The following PDGFD variants were observed in gnomAD, a reference collection of about 807,000 sequenced individuals.
PDGFD encodes the protein platelet-derived growth factor D.
PDGFD carries 30 observed loss-of-function variants against 44.7 expected under a neutral mutation model. The ratio of observed to expected loss-of-function variants is 0.67; its 90% confidence interval spans 0.50 to 0.91. PDGFD has a LOEUF of 0.91. Ranked by LOEUF, PDGFD falls within the 40% of genes least tolerant of loss-of-function variation. PDGFD has a pLI of 0.00. For missense variants in PDGFD, 445 were observed against 457.8 expected (o/e 0.97, Z 0.25); for synonymous variants, 173 against 168.4 (o/e 1.03, Z -0.21).
In PDGFD at chr11:103,943,591, G is replaced by T; in HGVS notation, c.633C>A (p.Asp211Glu). The T allele has an allele frequency of 6.2e-7, 1 of 1,613,124 alleles. No homozygotes were observed. Among genetic ancestry groups the T allele is most frequent in the Non-Finnish European group, 8.5e-7 (1 of 1,179,514 alleles). The part of the protein sequence containing the change: ...TDPTLIADAL[D>E]KKIAEFDTVE... ...CTGTATCAAATTCTGCAATTTTTTT[G>T]TCCAGAGCATCCGCAATCAGAGTGG... Residue 211 changes from aspartate (D) to glutamate (E), a missense_variant, in exon 5 of 7, where the codon GAC becomes GAA. Physicochemically the swap from Asp to Glu is conservative, Grantham distance 45. Coordinates refer to ENST00000393158, the MANE Select transcript of PDGFD (RefSeq NM_025208.5).
chr11:103,924,347 T>G (rs1299637928), intron 6 of PDGFD, among the ~76,000 whole-genome samples: 1 of 152,238 alleles, frequency 6.6e-6, no homozygotes, highest in Non-Finnish European at 1.5e-5. Flanking sequence ...CCTTGGGGTA[T>G]GATTAAAGGT....
chr11:103,929,603 T>C (rs896392452), intron 5 of PDGFD, among the ~76,000 whole-genome samples: 2 of 152,218 alleles, frequency 1.3e-5, no homozygotes, highest in African/African-American at 4.8e-5. Flanking sequence ...ATCAATTCAC[T>C]AATGTCACTA....
intron 3 of PDGFD, among the ~76,000 whole-genome samples, chr11:103,970,473 T>A (rs1859087264): frequency 6.6e-6 from 1 of 152,102 alleles, no homozygotes. Flanking sequence ...TAGGAATCAA[T>A]CGTGGATCTG....
chr11:104,136,931 G>C (rs934672173), intron 1 of PDGFD, among the ~76,000 whole-genome samples: 3 of 152,188 alleles, frequency 2.0e-5, no homozygotes, highest in Non-Finnish European at 4.4e-5. Flanking sequence ...GGATTTTAGA[G>C]CTAGAAGGGT....
chr11:103,934,426 C>G (rs1244526391), intron 5 of PDGFD, among the ~76,000 whole-genome samples: 2 of 152,148 alleles, frequency 1.3e-5, no homozygotes, highest in Admixed American at 1.3e-4. Flanking sequence ...ATACAAAAAG[C>G]CAATGATCAG....
intron 1 of PDGFD, among the ~76,000 whole-genome samples, chr11:104,130,342 A>G (rs1449979121): frequency 6.6e-6 from 1 of 152,140 alleles, no homozygotes; most frequent in African/African-American, 2.4e-5. Context: ...GGGACATTGT[A>G]ATGAGATGTT....
chr11:104,102,300 T>G (rs1357431070), intron 1 of PDGFD, among the ~76,000 whole-genome samples: 6 of 152,114 alleles, frequency 3.9e-5, no homozygotes, highest in Non-Finnish European at 5.9e-5. Flanking sequence ...AAGAAGACAT[T>G]TATGCAGCCA....
At chr11:104,113,642 T>C (rs907524988) in intron 1 of PDGFD, among the ~76,000 whole-genome samples, 1 of 151,886 alleles carries the variant, frequency 6.6e-6, no homozygotes, top group Non-Finnish European at 1.5e-5. Context: ...TAAATACCAC[T>C]GAGCAGGACT....
chr11:103,939,358 T>C (rs1437634583), intron 5 of PDGFD, among the ~76,000 whole-genome samples: 1 of 152,154 alleles, frequency 6.6e-6, no homozygotes, highest in East Asian at 1.9e-4. Flanking sequence ...TCTCTGTTTG[T>C]CTGTTATTGG....
At chr11:104,090,174 A>C (rs2134436321) in intron 1 of PDGFD, among the ~76,000 whole-genome samples, 1 of 152,324 alleles carries the variant, frequency 6.6e-6, no homozygotes, top group Non-Finnish European at 1.5e-5. Flanking sequence ...TTAGAATCAT[A>C]TTATGACAGC....
At chr11:103,950,411 A>T (rs1031819779) in intron 3 of PDGFD, among the ~76,000 whole-genome samples, 2 of 150,400 alleles carry the variant, frequency 1.3e-5, no homozygotes, top group African/African-American at 4.9e-5. Flanking sequence ...AAAAAAAAAA[A>T]AAATTAGCCA....
At chr11:104,138,045 C>T (rs185264286) in intron 1 of PDGFD, among the ~76,000 whole-genome samples, 10 of 152,202 alleles carry the variant, frequency 6.6e-5, no homozygotes, top group Admixed American at 3.3e-4. Context: ...CACTTTTAGC[C>T]AACACTTGCA....
intron 5 of PDGFD, among the ~76,000 whole-genome samples, chr11:103,935,275 G>A (rs1404395143): frequency 1.3e-5 from 2 of 152,160 alleles, no homozygotes; most frequent in African/African-American, 4.8e-5. Flanking sequence ...ACAGGCACCA[G>A]GAGGAAAAAC....
chr11:104,008,772 C>T (rs1304211399), intron 1 of PDGFD, among the ~76,000 whole-genome samples: 1 of 152,060 alleles, frequency 6.6e-6, no homozygotes, highest in Non-Finnish European at 1.5e-5. Context: ...AGGACTATGT[C>T]TTGTTAATCA....
intron 3 of PDGFD, among the ~76,000 whole-genome samples, chr11:103,972,696 T>G (rs1859121398): frequency 6.6e-6 from 1 of 152,178 alleles, no homozygotes; most frequent in African/African-American, 2.4e-5. Flanking sequence ...TCTGAGCTAA[T>G]GATGGGAGGT....
intron 1 of PDGFD, chr11:104,037,801 G>C (rs1283680539): frequency 6.2e-7 from 1 of 1,614,146 alleles, no homozygotes; most frequent in Non-Finnish European, 8.5e-7. Flanking sequence ...TCAACCCATG[G>C]ATATGCTTCT....
At position 103,977,915 on chromosome 11, in the gene PDGFD, CAGTAA is replaced by C. The variant is rs61272729; in HGVS notation, c.510+18145_510+18149del. On this transcript the variant is annotated intron_variant, in intron 3 of 6. Coordinates refer to ENST00000393158, the MANE Select transcript of PDGFD (RefSeq NM_025208.5). ...TACAAACTGAAATGTGGTGAGGAACCAGTAAAGTAGAGATTATAGAATTGTTAGAA... is the reference window on the plus strand; with the variant it reads ...TACAAACTGAAATGTGGTGAGGAACCAGTAGAGATTATAGAATTGTTAGAA... 4.9e-3 allele frequency among the ~76,000 whole-genome samples: 748 copies of C among 151,956 alleles called. 2 individuals carry two copies. The highest frequency in any genetic ancestry group is 0.014 in the African/African-American group (597 of 41,426).
At chr11:103,957,158 C>T (rs1007172554) in intron 3 of PDGFD, among the ~76,000 whole-genome samples, 1 of 152,050 alleles carries the variant, frequency 6.6e-6, no homozygotes, top group Admixed American at 6.6e-5. Context: ...AATGGTAATG[C>T]CTAGGTTTTC....
intron 6 of PDGFD, among the ~76,000 whole-genome samples, chr11:103,911,910 T>G (rs1186050438): frequency 6.6e-6 from 1 of 151,364 alleles, no homozygotes; most frequent in African/African-American, 2.4e-5. Context: ...TAAAAGAAAG[T>G]GAGAAGACAA....
Sources: allele counts gnomAD v4.1 joint callset (sites outside exome capture counted in the v4.1 genomes callset), GRCh38; gene constraint gnomAD v4.1.1; transcripts MANE v1.5; gene names NCBI Gene and HGNC (gene_info 2026-07-23, HGNC 2026-07-21).